The following RPS17 variants were observed in gnomAD, a reference collection of about 807,000 sequenced individuals.
RPS17 encodes the protein small ribosomal subunit protein eS17.
For synonymous variants in RPS17, 75 were observed against 65.6 expected, an observed-to-expected ratio of 1.14 and a Z score of -0.70; for missense variants, 68 against 182.3, an observed-to-expected ratio of 0.37 and a Z score of 3.61.
chr15:82,539,239 G>A (rs2034297399), intron 2 of RPS17: 4 of 534,922 alleles, frequency 7.5e-6, no homozygotes, highest in East Asian at 3.5e-5. Flanking sequence ...GCCCCGCCCC[G>A]CCCCGCAGTT....
chr15:82,538,479 G>C, intron 3 of RPS17, 108 bp from the exon 4 acceptor site: 1 of 1,242,320 alleles, frequency 8.0e-7, no homozygotes, highest in South Asian at 1.2e-5. Context: ...GCTGCACAAG[G>C]ATAGCATTCC....
At chr15:82,539,114 A>C (rs1451911010) in intron 2 of RPS17, 129 bp from the exon 3 acceptor site, 1 of 925,680 alleles carries the variant, frequency 1.1e-6, no homozygotes, top group Non-Finnish European at 1.8e-6. Flanking sequence ...AGGACTCACT[A>C]TCCTGGGACC....
At position 82,540,445 on chromosome 15, in the gene RPS17, T is replaced by TA; in HGVS notation, c.-18dup. The TA allele has an allele frequency of 6.3e-7, 1 of 1,591,606 alleles. No individual in the cohort carries two copies. The highest frequency in any genetic ancestry group is 8.5e-7 in the Non-Finnish European group (1 of 1,170,410). On this transcript the variant is annotated 5_prime_UTR_variant, in exon 1 of 5. Transcript: ENST00000647841. ...ACCTACCATGTTGGCGGGTCCTTGG[T>TA]AAAAGAGGAAACAGGAAGCACAGGC...
intron 3 of RPS17, chr15:82,538,654 CA>C: frequency 3.0e-6 from 2 of 656,436 alleles, no homozygotes; most frequent in Non-Finnish European, 5.4e-6. Context: ...CAGCAGTCAT[CA>C]AATCAACATT....
chr15:82,539,112 C>A (rs1182229647), intron 2 of RPS17, 127 bp from the exon 3 acceptor site: 6 of 954,314 alleles, frequency 6.3e-6, no homozygotes, highest in Non-Finnish European at 1.0e-5. Flanking sequence ...AGAGGACTCA[C>A]TATCCTGGGA....
intron 2 of RPS17, chr15:82,539,229 G>A (rs2034297214): frequency 1.5e-5 from 9 of 592,912 alleles, no homozygotes; most frequent in East Asian, 9.8e-5. Context: ...CCCCCAACTC[G>A]CCCCGCCCCG....
At chr15:82,539,662 C>T (rs1429641720) in intron 2 of RPS17, 6 of 442,938 alleles carry the variant, frequency 1.4e-5, no homozygotes, top group African/African-American at 1.0e-4. Context: ...GCACTCTAGC[C>T]TGGGCGCCAG....
At chr15:82,538,500 T>TGAGC in intron 3 of RPS17, 129 bp from the exon 4 acceptor site, 1 of 1,074,404 alleles carries the variant, frequency 9.3e-7, no homozygotes, top group Non-Finnish European at 1.4e-6. Flanking sequence ...TCTCACAAGG[T>TGAGC]GAGCAGTCTC....
intron 4 of RPS17, chr15:82,538,073 G>A: frequency 1.7e-6 from 1 of 584,624 alleles, no homozygotes; most frequent in South Asian, 1.5e-5. Context: ...GCAGCCAAGA[G>A]AGAAAAGGTG....
At chr15:82,538,629 A>G in intron 3 of RPS17, 1 of 647,896 alleles carries the variant, frequency 1.5e-6, no homozygotes, top group South Asian at 1.9e-5. Context: ...TTAGGGGCAA[A>G]CAATCGAGCC....
intron 4 of RPS17, chr15:82,537,874 G>C (rs2034268221): frequency 6.6e-6 from 3 of 456,248 alleles, no homozygotes; most frequent in Non-Finnish European, 1.3e-5. Flanking sequence ...AAACATCAAA[G>C]TGCAATGAAG....
intron 3 of RPS17, 106 bp downstream of exon 3, chr15:82,538,774 T>C (rs1567155812): frequency 8.4e-7 from 1 of 1,193,492 alleles, no homozygotes; most frequent in Non-Finnish European, 1.3e-6. Flanking sequence ...TTATGGAATG[T>C]ATGGATTAAA....
chr15:82,538,578 C>T (rs1363588238), intron 3 of RPS17: 1 of 695,052 alleles, frequency 1.4e-6, no homozygotes, highest in Admixed American at 2.2e-5. Context: ...ATTCAGTATT[C>T]AGAACACTTG....
chr15:82,538,265 G>A (rs1820265903), intron 4 of RPS17, 41 bp downstream of exon 4: 3 of 1,608,300 alleles, frequency 1.9e-6, no homozygotes, highest in Non-Finnish European at 2.6e-6. Flanking sequence ...GATGGTTTTT[G>A]ACCAGGAAAA....
At chr15:82,539,670 C>T (rs1252078876) in intron 2 of RPS17, 1 of 452,900 alleles carries the variant, frequency 2.2e-6, no homozygotes, top group Non-Finnish European at 4.1e-6. Flanking sequence ...GCCTGGGCGC[C>T]AGGGCAAGAT....
Position 82,537,301 on chromosome 15 carries a change from T to A in RPS17, c.328-420A>T, listed in dbSNP as rs2034257849. On this transcript the variant is annotated intron_variant, in intron 4 of 4. Coordinates refer to ENST00000647841, the MANE Select transcript of RPS17 (RefSeq NM_001021.6). ...TCTACCCCTTAGAAGTTAGCAGGTA[T>A]CCCCTGGCTATGAGAACGAAAAATG... 4.3e-5 allele frequency: 13 copies of A among 298,892 alleles called. No individual in the cohort carries two copies. In the South Asian group the frequency reaches 4.5e-4, roughly 10 times the overall value. The allele number at this position is 298,892 out of a possible 1,614,324, so 18.5% of individuals were successfully genotyped here.
In RPS17 at chr15:82,540,025, C is replaced by G; in HGVS notation, c.111G>C (p.Glu37Asp). 6.2e-7 allele frequency: 1 copy of G among 1,612,374 alleles called. No homozygotes were observed. The change falls in exon 2 of 5, where the codon GAG becomes GAC. Residue 37 changes from glutamate (E) to aspartate (D), a missense_variant. By Grantham distance (45) the Glu-to-Asp change is conservative. Transcript: ENST00000647841. The stretch of plus-strand genomic sequence containing the variant: ...GCTTTTTGCTGGGGATAATGGCGAT[C>G]TCCTCGCACACGCGCTTGTTCGTGT... Reference protein sequence around the residue: ...DFHTNKRVCEEIAIIPSKKLR... With the variant: ...DFHTNKRVCEDIAIIPSKKLR...
chr15:82,540,316 C>T (rs2034327529), intron 1 of RPS17, 110 bp downstream of exon 1: 5 of 1,581,300 alleles, frequency 3.2e-6, no homozygotes, highest in Middle Eastern at 1.9e-4. Flanking sequence ...TCCAGCCTGA[C>T]AGGGCTCTGC....
intron 2 of RPS17, 44 bp from the exon 3 acceptor site, chr15:82,539,029 C>T: frequency 6.4e-7 from 1 of 1,574,122 alleles, no homozygotes; most frequent in South Asian, 1.1e-5. Flanking sequence ...GAAGACAAAT[C>T]AACTCCCACC....
Sources: gnomAD v4.1 joint callset for allele counts on GRCh38, gnomAD v4.1.1 for gene constraint, MANE v1.5 for transcripts, NCBI Gene and HGNC (gene_info 2026-07-23, HGNC 2026-07-21) for gene names.